LRRC49: variants seen among roughly 807,000 people sequenced by gnomAD.
LRRC49 encodes the protein leucine-rich repeat-containing protein 49.
Under a neutral mutation model 83.3 loss-of-function variants are expected in LRRC49, and 50 were observed. That is an observed-to-expected ratio of 0.60 (90% confidence interval 0.48 to 0.76). The LOEUF (loss-of-function observed/expected upper bound fraction) is 0.76, where lower values mean the gene tolerates loss of function less well. Ranked by LOEUF, LRRC49 falls within the 30% of genes least tolerant of loss-of-function variation. The probability of loss-of-function intolerance (pLI) is 0.00; values close to 1 mark genes in which losing one functional copy is unlikely to be tolerated. For missense variants in LRRC49, 704 were observed against 809.1 expected (o/e 0.87, Z 1.58); for synonymous variants, 286 against 283.3 (o/e 1.01, Z -0.10).
At chr15:70,957,851 G>A (rs535634959) in intron 8 of LRRC49, among the ~76,000 whole-genome samples, 1 of 152,064 alleles carries the variant, frequency 6.6e-6, no homozygotes, top group Non-Finnish European at 1.5e-5. Context: ...AGTGTTCCAG[G>A]AAAAGGAGAC....
intron 11 of LRRC49, among the ~76,000 whole-genome samples, chr15:71,005,285 T>C (rs2038418134): frequency 6.6e-6 from 1 of 152,092 alleles, no homozygotes; most frequent in Non-Finnish European, 1.5e-5. Flanking sequence ...CTGGAAGAAT[T>C]AGTCATTCCT....
chr15:71,023,119 C>T (rs1224000714), intron 14 of LRRC49, among the ~76,000 whole-genome samples: 3 of 151,700 alleles, frequency 2.0e-5, no homozygotes, highest in African/African-American at 7.3e-5. Flanking sequence ...ATAAAAATAC[C>T]CATTTCAAAA....
intron 8 of LRRC49, among the ~76,000 whole-genome samples, chr15:70,958,152 TCCTGACTACTA>T (rs2036469520): frequency 6.6e-6 from 1 of 152,190 alleles, no homozygotes; most frequent in Non-Finnish European, 1.5e-5. Flanking sequence ...CTCTTTACTC[TCCTGACTACTA>T]CCTTGGTTTT....
rs191129756 is a variant in LRRC49, at chr15:70,913,055, T to A, written c.567+1457T>A. 1.8e-3 allele frequency among the ~76,000 whole-genome samples: 279 copies of A among 152,328 alleles called. 2 individuals carry two copies. Among genetic ancestry groups the A allele is most frequent in the African/African-American group, 6.6e-3 (275 of 41,570 alleles). ...TGGCTGTTTTTCAGTCCTTTGCTCATCCATTTAAATATTTGTCTTTGAAAT... is the reference window on the plus strand; with the variant it reads ...TGGCTGTTTTTCAGTCCTTTGCTCAACCATTTAAATATTTGTCTTTGAAAT... On this transcript the variant is annotated intron_variant, in intron 6 of 15. Coordinates refer to ENST00000260382, the MANE Select transcript of LRRC49 (RefSeq NM_017691.5).
intron 11 of LRRC49, among the ~76,000 whole-genome samples, chr15:71,006,131 G>T (rs894402441): frequency 3.3e-5 from 5 of 152,016 alleles, no homozygotes; most frequent in Non-Finnish European, 5.9e-5. Flanking sequence ...TATATAAATT[G>T]GAAATTACTT....
chr15:70,957,405 G>C (rs986943377), intron 8 of LRRC49, among the ~76,000 whole-genome samples: 8 of 151,728 alleles, frequency 5.3e-5, no homozygotes, highest in Non-Finnish European at 7.4e-5. Flanking sequence ...TAATATATAG[G>C]GTCATAATGC....
At chr15:70,996,584 T>G (rs1388355914) in intron 11 of LRRC49, among the ~76,000 whole-genome samples, 1 of 152,188 alleles carries the variant, frequency 6.6e-6, no homozygotes, top group Non-Finnish European at 1.5e-5. Context: ...TTTGTAAGAT[T>G]TAGATATACT....
chr15:70,931,598 T>C (rs969242557), intron 7 of LRRC49, among the ~76,000 whole-genome samples: 9 of 152,270 alleles, frequency 5.9e-5, no homozygotes, highest in African/African-American at 2.2e-4. Flanking sequence ...GGCATGCATG[T>C]ACCTTATTTT....
intron 6 of LRRC49, among the ~76,000 whole-genome samples, chr15:70,914,425 T>C (rs1042686038): frequency 6.6e-6 from 1 of 152,066 alleles, no homozygotes; most frequent in Non-Finnish European, 1.5e-5. Flanking sequence ...TTCTGAGTAA[T>C]GATGATGGTG....
rs2036941563 is a variant in LRRC49 at position 70,970,139 on chromosome 15, G to A, written c.921+6207G>A. 2.6e-5 allele frequency among the ~76,000 whole-genome samples: 4 copies of A among 152,152 alleles called. 1 individual carries two copies. The South Asian group carries it at 8.3e-4, about 31-fold the overall frequency. Reference sequence around the variant, plus strand: ...TGTCATAAATAGCTCTTATTATTTTGAGATATGTTCCATCAATACCTAGTT... The same window carrying A: ...TGTCATAAATAGCTCTTATTATTTTAAGATATGTTCCATCAATACCTAGTT... On this transcript the variant is annotated intron_variant, in intron 9 of 15. Transcript: ENST00000260382.
intron 8 of LRRC49, 111 bp from the exon 9 acceptor site, chr15:70,963,674 C>T: frequency 2.4e-6 from 3 of 1,238,194 alleles, no homozygotes; most frequent in Non-Finnish European, 3.4e-6. Flanking sequence ...TCTGTACTAT[C>T]TTCTCAATTT....
chr15:70,996,102 T>A (rs1364991013), intron 11 of LRRC49, among the ~76,000 whole-genome samples: 1 of 152,152 alleles, frequency 6.6e-6, no homozygotes, highest in Non-Finnish European at 1.5e-5. Flanking sequence ...TTAGTTTGAT[T>A]CTTTTTTTAA....
chr15:70,935,261 A>G (rs916060994), intron 7 of LRRC49, among the ~76,000 whole-genome samples: 2 of 152,146 alleles, frequency 1.3e-5, no homozygotes, highest in African/African-American at 4.8e-5. Flanking sequence ...TAGCCAGTGT[A>G]TTGATCATGG....
intron 1 of LRRC49, among the ~76,000 whole-genome samples, chr15:70,861,050 G>A (rs1453475652): frequency 6.6e-6 from 1 of 152,112 alleles, no homozygotes; most frequent in African/African-American, 2.4e-5. Context: ...TTGTTTGCTG[G>A]GCTGTAATGT....
At chr15:71,036,096 A>G (rs2039510713) in intron 14 of LRRC49, among the ~76,000 whole-genome samples, 1 of 152,188 alleles carries the variant, frequency 6.6e-6, no homozygotes, top group Admixed American at 6.5e-5. Context: ...ATGACCAGTG[A>G]TGATGAGCAT....
At chr15:70,943,085 A>G (rs1361898351) in intron 8 of LRRC49, among the ~76,000 whole-genome samples, 1 of 151,304 alleles carries the variant, frequency 6.6e-6, no homozygotes, top group African/African-American at 2.4e-5. Flanking sequence ...GGCATTGTGG[A>G]TGTTCTGTTG....
chr15:70,860,052 C>T lies in LRRC49; in HGVS notation c.-299+6583C>T, dbSNP rs1177813073. 20 of 737,690 alleles carry T rather than the reference C, an allele frequency of 2.7e-5. No homozygotes were observed. In the East Asian group the frequency reaches 5.0e-4, roughly 18 times the overall value. 45.7% of individuals were successfully genotyped at this position (737,690 alleles called of 1,614,324 possible). A position where few individuals can be genotyped will look rare whatever the true frequency, so the allele number is the denominator to read the frequency against. The stretch of plus-strand genomic sequence containing the variant: ...CTGGGCTCCAGCTTTGGCTCTGGCG[C>T]AGGCTCCAGCTCCTTCAGCCGCACC... On this transcript the variant is annotated intron_variant, in intron 1 of 16. Coordinates refer to the LRRC49 transcript ENST00000544974.
intron 9 of LRRC49, among the ~76,000 whole-genome samples, chr15:70,965,664 A>G (rs1206672857): frequency 6.6e-6 from 1 of 152,046 alleles, no homozygotes; most frequent in Non-Finnish European, 1.5e-5. Context: ...TTCTCATTGC[A>G]TCTTAGACCA....
rs773282952 is a variant in LRRC49, at chr15:70,984,078, AT to A, written c.1006-14del. ...ATTGCATTATATAACTTTTGTCACA[AT>A]TAACTTTTTCATAGGAGAAGAAAAG... On this transcript the variant is annotated splice_polypyrimidine_tract_variant and intron_variant, in intron 10 of 15. Transcript: ENST00000260382. 352 of 1,610,516 alleles carry A rather than the reference AT, an allele frequency of 2.2e-4. 2 individuals are homozygous for A. Among genetic ancestry groups the A allele is most frequent in the Middle Eastern group, 1.1e-3 (6 of 5,704 alleles).
Sources: gnomAD v4.1 joint callset for allele counts (sites outside exome capture counted in the v4.1 genomes callset) on GRCh38, gnomAD v4.1.1 for gene constraint, MANE v1.5 for transcripts, NCBI Gene and HGNC (gene_info 2026-07-23, HGNC 2026-07-21) for gene names.